Variants in SMAD3 observed in about 807,000 individuals in gnomAD.
The protein encoded by SMAD3 is MAD homolog 3.
SMAD3 carries 12 observed loss-of-function variants against 51.8 expected under a neutral mutation model. The ratio of observed to expected loss-of-function variants is 0.23; its 90% CI spans 0.15 to 0.38. SMAD3 has a LOEUF of 0.38. Among genes scored for constraint, SMAD3 ranks in the 10% least tolerant of loss-of-function variants. The probability of loss-of-function intolerance (pLI) is 1.00; values close to 1 mark genes in which losing one functional copy is unlikely to be tolerated. For synonymous variants in SMAD3, 238 were observed against 227.7 expected (o/e 1.05, Z -0.41); for missense variants, 294 against 565.6 (o/e 0.52, Z 4.87).
At chr15:67,067,450 G>A (rs1232639153) in intron 1 of SMAD3, among the ~76,000 whole-genome samples, 2 of 152,160 alleles carry the variant, frequency 1.3e-5, no homozygotes, top group Non-Finnish European at 2.9e-5. Flanking sequence ...GAGAGCGTGT[G>A]TGTTGGGGGC....
intron 1 of SMAD3, among the ~76,000 whole-genome samples, chr15:67,068,001 A>T (rs1176560779): frequency 6.6e-6 from 1 of 152,118 alleles, no homozygotes; most frequent in African/African-American, 2.4e-5. Context: ...CAAGTGCTTT[A>T]TGTATTGAAA....
At chr15:67,106,093 T>C (rs1352230758) in intron 1 of SMAD3, among the ~76,000 whole-genome samples, 1 of 152,120 alleles carries the variant, frequency 6.6e-6, no homozygotes, top group African/African-American at 2.4e-5. Flanking sequence ...CCACTGCTGC[T>C]TCCTCACCCA....
chr15:67,177,888 C>T (rs1962949835), intron 5 of SMAD3, among the ~76,000 whole-genome samples: 1 of 152,142 alleles, frequency 6.6e-6, no homozygotes, highest in East Asian at 1.9e-4. Flanking sequence ...GAAATCACGG[C>T]TGGCTTTTAG....
intron 1 of SMAD3, among the ~76,000 whole-genome samples, chr15:67,103,489 A>G (rs949186681): frequency 6.6e-6 from 1 of 152,228 alleles, no homozygotes; most frequent in Admixed American, 6.5e-5. Flanking sequence ...GTGCCCTGAC[A>G]TTAAGGCTGG....
At chr15:67,157,438 C>T (rs1962313216) in intron 1 of SMAD3, among the ~76,000 whole-genome samples, 1 of 152,200 alleles carries the variant, frequency 6.6e-6, no homozygotes, top group African/African-American at 2.4e-5. Flanking sequence ...CTGGCTCTGC[C>T]ATTTACAAGT....
chr15:67,088,057 A>T (rs1960431417), intron 1 of SMAD3, among the ~76,000 whole-genome samples: 1 of 152,218 alleles, frequency 6.6e-6, no homozygotes, highest in South Asian at 2.1e-4. Context: ...GAATAAAAAT[A>T]AAAACCTTGA....
At chr15:67,099,904 G>C (rs768631355) in intron 1 of SMAD3, among the ~76,000 whole-genome samples, 2 of 152,270 alleles carry the variant, frequency 1.3e-5, no homozygotes, top group South Asian at 4.1e-4. Flanking sequence ...GTACGTGGCC[G>C]GGCGCAGTGG....
At position 67,195,156 on chromosome 15, in the gene SMAD3, CTT is replaced by C. The variant is rs1419298209; in HGVS notation, c.*4623_*4624del. On this transcript the variant is annotated 3_prime_UTR_variant, in exon 9 of 9. Transcript: ENST00000327367. ...CTCTTGTAAGTGCCCTTCTAATAAA[CTT>C]TTCATGGAAAAGCTCCTGTGCCAGG... 1.3e-5 allele frequency: 3 copies of C among 232,460 alleles called. No individual in the cohort carries two copies. Among genetic ancestry groups the C allele is most frequent in the Non-Finnish European group, 2.6e-5 (3 of 117,298 alleles). 14.4% of individuals were successfully genotyped at this position (232,460 alleles called of 1,614,324 possible).
At chr15:67,069,222 A>C (rs1959997817) in intron 1 of SMAD3, among the ~76,000 whole-genome samples, 2 of 152,130 alleles carry the variant, frequency 1.3e-5, no homozygotes, top group Admixed American at 6.5e-5. Context: ...TATCGACATA[A>C]AGAAGGTGAA....
chr15:67,165,748 T>C (rs1035471509), intron 3 of SMAD3, among the ~76,000 whole-genome samples: 1 of 151,666 alleles, frequency 6.6e-6, no homozygotes, highest in Non-Finnish European at 1.5e-5. Flanking sequence ...AGGCGGGGAG[T>C]GAGCTGAGGG....
chr15:67,149,744 A>T (rs951607374), intron 1 of SMAD3, among the ~76,000 whole-genome samples: 3 of 152,186 alleles, frequency 2.0e-5, no homozygotes, highest in Non-Finnish European at 4.4e-5. Context: ...TACAGATGCC[A>T]GAATATACAG....
chr15:67,090,268 G>C (rs78855389), intron 1 of SMAD3, among the ~76,000 whole-genome samples: 2,739 of 152,210 alleles, frequency 0.018, 76 homozygotes, highest in East Asian at 0.099. Context: ...AGGGAGTCTC[G>C]AGTCCGATTT....
At chr15:67,077,731 A>G (rs1960201631) in intron 1 of SMAD3, among the ~76,000 whole-genome samples, 1 of 152,110 alleles carries the variant, frequency 6.6e-6, no homozygotes, top group South Asian at 2.1e-4. Flanking sequence ...GGAGTGTAGG[A>G]GTGGAGTGGG....
intron 1 of SMAD3, chr15:67,146,869 T>G (rs2289263): frequency 0.43 from 65,821 of 151,828 alleles, 14,659 homozygotes; most frequent in Middle Eastern, 0.52. Flanking sequence ...AGTAGCGGGG[T>G]TGATTTGGGA....
chr15:67,097,214 T>C (rs1043143701), intron 1 of SMAD3, among the ~76,000 whole-genome samples: 30 of 152,014 alleles, frequency 2.0e-4, no homozygotes, highest in African/African-American at 6.8e-4. Context: ...TTTTTGTTTG[T>C]TTGTTTTTTG....
At chr15:67,070,492 G>A (rs1262191625) in intron 1 of SMAD3, among the ~76,000 whole-genome samples, 1 of 151,948 alleles carries the variant, frequency 6.6e-6, no homozygotes, top group Non-Finnish European at 1.5e-5. Context: ...ATATTTATTG[G>A]ACCCTCCCAT....
intron 1 of SMAD3, among the ~76,000 whole-genome samples, chr15:67,069,245 C>G (rs1484412281): frequency 2.0e-5 from 3 of 152,066 alleles, no homozygotes; most frequent in African/African-American, 4.8e-5. Context: ...AGATTGGTGC[C>G]AAGGAAGTGG....
intron 1 of SMAD3, among the ~76,000 whole-genome samples, chr15:67,131,846 C>T (rs1476714398): frequency 6.6e-6 from 1 of 152,198 alleles, no homozygotes; most frequent in African/African-American, 2.4e-5. Flanking sequence ...AGAAATCACC[C>T]TGTCCAGGAG....
At chr15:67,107,131 A>G (rs1317609976) in intron 1 of SMAD3, among the ~76,000 whole-genome samples, 1 of 152,034 alleles carries the variant, frequency 6.6e-6, no homozygotes, top group African/African-American at 2.4e-5. Context: ...TCAAGCCCTC[A>G]ATAAATGTTT....
Sources: gnomAD v4.1 joint callset for allele counts (sites outside exome capture counted in the v4.1 genomes callset) on GRCh38, gnomAD v4.1.1 for gene constraint, MANE v1.5 for transcripts, NCBI Gene and HGNC (gene_info 2026-07-23, HGNC 2026-07-21) for gene names.